The following PRELID2 variants were observed in gnomAD, a reference collection of about 807,000 sequenced individuals.
The protein encoded by PRELID2 is PRELI domain-containing protein 2.
A neutral mutation model predicts 28.4 loss-of-function variants in PRELID2; 25 were observed. The observed-to-expected ratio is 0.88, with a 90% CI of 0.64 to 1.23. PRELID2 has a LOEUF of 1.23. PRELID2 is among the 50% of genes most tolerant of loss of function. PRELID2 has a pLI of 0.00. For synonymous variants in PRELID2, 76 were observed against 71.6 expected, an observed-to-expected ratio of 1.06 and a Z score of -0.31; for missense variants, 201 against 214.4, an observed-to-expected ratio of 0.94 and a Z score of 0.39.
chr5:145,386,357 A>C, the PRELID2 span, among the ~76,000 whole-genome samples: 12 of 152,196 alleles, frequency 7.9e-5, no homozygotes, highest in Admixed American at 6.5e-5. Context: ...TCAAGATGAG[A>C]TACGGATGAA....
At chr5:145,766,459 A>T (rs1378374305) in intron 5 of PRELID2, among the ~76,000 whole-genome samples, 1 of 152,188 alleles carries the variant, frequency 6.6e-6, no homozygotes, top group African/African-American at 2.4e-5. Flanking sequence ...GACGGAGGGT[A>T]ATCAAAGGCA....
the PRELID2 span, among the ~76,000 whole-genome samples, chr5:145,415,354 C>T: frequency 1.3e-5 from 2 of 151,364 alleles, no homozygotes; most frequent in Non-Finnish European, 2.9e-5. Flanking sequence ...CATATGTATA[C>T]ATGTGCCATG....
the PRELID2 span, among the ~76,000 whole-genome samples, chr5:145,408,048 A>G: frequency 1.3e-5 from 2 of 152,240 alleles, no homozygotes; most frequent in African/African-American, 4.8e-5. Flanking sequence ...GAAGGGCAAC[A>G]ACAATTACTG....
rs553649563 is a variant in PRELID2, at chr5:145,494,479, G to C, written n.71-21164C>G. On this transcript the variant is annotated intron_variant and non_coding_transcript_variant, in intron 1 of 2. Transcript: ENST00000510259. ...TTATGTCATAGCTAGTTAATTGGTA[G>C]CTTAAATGAAAAGCCATCCTATAGA... Among the ~76,000 whole-genome samples the C allele has an allele frequency of 2.9e-4, 44 of 152,278 alleles. No individual in the cohort carries two copies. The South Asian group carries it at 3.7e-3, about 13-fold the overall frequency.
chr5:145,348,975 G>T, the PRELID2 span, among the ~76,000 whole-genome samples: 2 of 152,084 alleles, frequency 1.3e-5, no homozygotes, highest in African/African-American at 2.4e-5. Flanking sequence ...AAAGGGTTAG[G>T]TTTTTTGTCA....
chr5:145,388,463 G>A, the PRELID2 span, among the ~76,000 whole-genome samples: 3 of 151,558 alleles, frequency 2.0e-5, no homozygotes, highest in Admixed American at 1.3e-4. Flanking sequence ...CCATCAATTG[G>A]GCCCACTTTA....
intron 1 of PRELID2, among the ~76,000 whole-genome samples, chr5:145,624,461 A>G (rs1262435208): frequency 6.6e-6 from 1 of 152,172 alleles, no homozygotes; most frequent in African/African-American, 2.4e-5. Flanking sequence ...TTTGCATACA[A>G]AAGACACTCT....
intron 1 of PRELID2, among the ~76,000 whole-genome samples, chr5:145,606,870 G>T (rs114229466): frequency 0.015 from 2,292 of 151,724 alleles, 62 homozygotes; most frequent in African/African-American, 0.051. Flanking sequence ...GGTAGAATTT[G>T]GCTGCGCTTT....
intron 1 of PRELID2, among the ~76,000 whole-genome samples, chr5:145,742,092 A>AT: frequency 7.7e-6 from 1 of 129,376 alleles, no homozygotes; most frequent in African/African-American, 3.0e-5. Flanking sequence ...ATATATTTAT[A>AT]ATTACATATA....
chr5:145,350,475 G>A, the PRELID2 span, among the ~76,000 whole-genome samples: 1 of 152,278 alleles, frequency 6.6e-6, no homozygotes, highest in South Asian at 2.1e-4. Context: ...AAGATAGCTA[G>A]CCTGTAGTGA....
the PRELID2 span, among the ~76,000 whole-genome samples, chr5:145,420,683 G>A: frequency 2.3e-4 from 19 of 80,954 alleles, no homozygotes; most frequent in Non-Finnish European, 3.3e-4. Context: ...TGCAAACAGG[G>A]ACAATTTGAC....
the PRELID2 span, among the ~76,000 whole-genome samples, chr5:145,278,886 T>C: frequency 6.6e-6 from 1 of 152,108 alleles, no homozygotes; most frequent in Non-Finnish European, 1.5e-5. Context: ...CTTCTAGAGT[T>C]GAGGAAATAT....
the PRELID2 span, among the ~76,000 whole-genome samples, chr5:145,280,204 G>A: frequency 6.6e-6 from 1 of 152,038 alleles, no homozygotes; most frequent in Non-Finnish European, 1.5e-5. Flanking sequence ...ATGTCACGGG[G>A]AAAATTTGAG....
intron 1 of PRELID2, among the ~76,000 whole-genome samples, chr5:145,733,373 G>A (rs1275193735): frequency 1.3e-5 from 2 of 152,180 alleles, no homozygotes; most frequent in Admixed American, 1.3e-4. Context: ...ATGGATGTGG[G>A]TTGGATTAAA....
At chr5:145,703,272 G>A (rs1366941977) in intron 1 of PRELID2, among the ~76,000 whole-genome samples, 1 of 152,226 alleles carries the variant, frequency 6.6e-6, no homozygotes, top group African/African-American at 2.4e-5. Flanking sequence ...TCCAGAGTCA[G>A]AGTGGGCTTT....
intron 1 of PRELID2, among the ~76,000 whole-genome samples, chr5:145,623,214 G>T (rs1469456838): frequency 6.6e-6 from 1 of 151,694 alleles, no homozygotes; most frequent in East Asian, 1.9e-4. Flanking sequence ...ACTTTGGGAG[G>T]CCACAGTGGG....
chr5:145,468,741 CT>C (rs1466328215), downstream of PRELID2, among the ~76,000 whole-genome samples: 3 of 152,140 alleles, frequency 2.0e-5, no homozygotes. Flanking sequence ...TGTTCATATC[CT>C]TTGCCCACTT....
chr5:145,556,193 AAAAAG>A (rs1426959306), intron 1 of PRELID2, among the ~76,000 whole-genome samples: 2 of 150,168 alleles, frequency 1.3e-5, no homozygotes, highest in Admixed American at 6.6e-5. Flanking sequence ...AAAAAAAAAA[AAAAAG>A]AAAAGAAAAG....
At chr5:145,417,245 G>C in the PRELID2 span, among the ~76,000 whole-genome samples, 1 of 152,062 alleles carries the variant, frequency 6.6e-6, no homozygotes, top group Admixed American at 6.6e-5. Context: ...CTGAAACTGA[G>C]GCAGTAATAA....
Sources: allele counts gnomAD v4.1 joint callset (sites outside exome capture counted in the v4.1 genomes callset), GRCh38; gene constraint gnomAD v4.1.1; transcripts MANE v1.5; gene names NCBI Gene and HGNC (gene_info 2026-07-23, HGNC 2026-07-21).